The following ELP1 variants were observed in gnomAD, a reference collection of about 807,000 sequenced individuals.
ELP1 encodes elongator complex protein 1.
In ELP1, 131 loss-of-function variants were observed where a neutral mutation model predicts 183.2. That is an observed-to-expected ratio of 0.72 (90% CI 0.62 to 0.83). The LOEUF is 0.83. Among genes scored for constraint, ELP1 ranks in the 40% least tolerant of loss-of-function variants. The pLI, the probability that ELP1 is intolerant of heterozygous loss-of-function variation, is 0.00. For missense variants in ELP1, 1,550 were observed against 1,594.9 expected, an observed-to-expected ratio of 0.97 and a Z score of 0.48; for synonymous variants, 555 against 569.0, an observed-to-expected ratio of 0.98 and a Z score of 0.35.
chr9:108,908,220 C>A (rs896456034), intron 13 of ELP1, 85 bp downstream of exon 13: 15 of 961,682 alleles, frequency 1.6e-5, no homozygotes, highest in Non-Finnish European at 2.5e-5. Context: ...CAGCAACAGG[C>A]ATAGAACTGT....
chr9:108,908,328 A>C lies in ELP1; in HGVS notation c.1437T>G (p.Thr479=), dbSNP rs1341178262. The C allele has an allele frequency of 4.1e-5, 66 of 1,613,654 alleles. No individual in the cohort carries two copies. Among genetic ancestry groups the C allele is most frequent in the Non-Finnish European group, 5.4e-5 (64 of 1,179,644 alleles). Residue 479 remains threonine (T), a synonymous_variant, in exon 13 of 37, where the codon ACT becomes ACG. Transcript: ENST00000374647. ...ACTTGTATCTCTTTTCCAAATGAGGAGTTCTAAGGCAAACTTTAAATCCAC... is the reference window on the plus strand; with the variant it reads ...ACTTGTATCTCTTTTCCAAATGAGGCGTTCTAAGGCAAACTTTAAATCCAC... The part of the protein sequence containing the change: ...GGSGFKVCLR[T]PHLEKRYKIQ...
Position 108,889,233 on chromosome 9 carries a change from A to G in ELP1, c.3222+99T>C, listed in dbSNP as rs1828232955. On this transcript the variant is annotated intron_variant, in intron 29 of 36. Transcript: ENST00000374647. ...GGCAAACACTATCTCTGGACTTAAC[A>G]ATTATGCACAGTTCCTTTAACTTTC... 1.0e-4 allele frequency: 113 copies of G among 1,128,080 alleles called. 1 individual carries two copies. In the South Asian group the frequency reaches 1.3e-3, roughly 13 times the overall value. The allele number at this position is 1,128,080 out of a possible 1,614,324, so 69.9% of individuals were successfully genotyped here.
rs78049942 is a variant in ELP1 at position 108,904,831 on chromosome 9, G to A, written c.1644-1162C>T. On this transcript the variant is annotated intron_variant, in intron 14 of 36. Coordinates refer to ENST00000374647, the MANE Select transcript of ELP1 (RefSeq NM_003640.5). The stretch of plus-strand genomic sequence containing the variant: ...AGCTAAAGTAAATGTAAACTAAATC[G>A]AGGGACTTTGTAGTCCTCAAAAGCA... Among the ~76,000 whole-genome samples, 686 of 152,256 alleles carry A rather than the reference G, an allele frequency of 4.5e-3. 12 individuals carry two copies. The highest frequency in any genetic ancestry group is 0.025 in the East Asian group (128 of 5,184).
At chr9:108,895,550 C>A (rs929493334) in intron 25 of ELP1, among the ~76,000 whole-genome samples, 5 of 152,014 alleles carry the variant, frequency 3.3e-5, no homozygotes, top group Admixed American at 1.3e-4. Context: ...GAAAAAAAGA[C>A]AATACCAAGA....
chr9:108,914,453 C>T (rs1450837478), intron 10 of ELP1, among the ~76,000 whole-genome samples: 2 of 146,628 alleles, frequency 1.4e-5, no homozygotes, highest in Non-Finnish European at 3.0e-5. Context: ...TTGAAAGCTA[C>T]TTAGAAAATA....
At chr9:108,900,767 T>C (rs935561614) in intron 18 of ELP1, among the ~76,000 whole-genome samples, 95 of 150,916 alleles carry the variant, frequency 6.3e-4, no homozygotes, top group Admixed American at 6.1e-3. Flanking sequence ...CACACACACA[T>C]ACACGCCACA....
At chr9:108,881,905 G>T in intron 30 of ELP1, 140 bp from the exon 31 acceptor site, 1 of 697,696 alleles carries the variant, frequency 1.4e-6, no homozygotes. Context: ...GGCAGCCAAG[G>T]AAATTCAATT....
chr9:108,871,530 C>T (rs1028438480), intron 36 of ELP1, among the ~76,000 whole-genome samples: 5 of 152,172 alleles, frequency 3.3e-5, no homozygotes, highest in African/African-American at 9.7e-5. Context: ...TAATCTTTTC[C>T]CTTCCAGGCT....
chr9:108,919,430 A>G, intron 6 of ELP1, 81 bp from the exon 7 acceptor site: 1 of 923,990 alleles, frequency 1.1e-6, no homozygotes, highest in Non-Finnish European at 1.8e-6. Context: ...CACTAGATAC[A>G]GATGTTTTTT....
At chr9:108,903,821 CTA>C (rs964967648) in intron 14 of ELP1, 152 bp from the exon 15 acceptor site, 35 of 565,058 alleles carry the variant, frequency 6.2e-5, no homozygotes, top group Non-Finnish European at 9.5e-5. Context: ...ACACCCAATA[CTA>C]TACACACACA....
chr9:108,900,005 A>C (rs1051330403), intron 19 of ELP1, 110 bp from the exon 20 acceptor site: 56 of 932,838 alleles, frequency 6.0e-5, no homozygotes, highest in Admixed American at 3.1e-4. Context: ...ACTCTCTAAA[A>C]TCAGCACACT....
rs1266154987 is a variant in ELP1 at position 108,916,125 on chromosome 9, G to C, written c.958+79C>G. On this transcript the variant is annotated intron_variant, in intron 10 of 36. Transcript: ENST00000374647. The stretch of plus-strand genomic sequence containing the variant: ...ATTCTACTAAGGGACTAAGTAGAAG[G>C]GATGAAGGAAATCCCATACCTGTCT... The C allele has an allele frequency of 4.8e-6, 5 of 1,051,584 alleles. No homozygotes were observed. In the Admixed American group the frequency reaches 8.4e-5, roughly 18 times the overall value. 65.1% of individuals were successfully genotyped at this position (1,051,584 alleles called of 1,614,324 possible).
chr9:108,905,208 T>A (rs1259098729), intron 14 of ELP1, among the ~76,000 whole-genome samples: 1 of 152,230 alleles, frequency 6.6e-6, no homozygotes, highest in Admixed American at 6.5e-5. Context: ...TATAAATTTA[T>A]GTAATGTATA....
intron 12 of ELP1, among the ~76,000 whole-genome samples, chr9:108,909,393 G>C (rs1412197759): frequency 6.6e-6 from 1 of 152,174 alleles, no homozygotes; most frequent in Non-Finnish European, 1.5e-5. Flanking sequence ...GGGGAAAAAG[G>C]AGTGATACTC....
chr9:108,928,770 T>C (rs1452311856), intron 3 of ELP1, among the ~76,000 whole-genome samples: 1 of 152,094 alleles, frequency 6.6e-6, no homozygotes, highest in African/African-American at 2.4e-5. Context: ...AGTAAAAGCA[T>C]CTATCTTTCA....
chr9:108,907,097 G>T (rs890298160), intron 13 of ELP1, among the ~76,000 whole-genome samples: 1 of 152,032 alleles, frequency 6.6e-6, no homozygotes, highest in Non-Finnish European at 1.5e-5. Flanking sequence ...ATCTCTCCCC[G>T]GACTCAGGCT....
intron 20 of ELP1, 117 bp downstream of exon 20, chr9:108,899,705 G>T: frequency 2.6e-6 from 2 of 764,176 alleles, no homozygotes; most frequent in Non-Finnish European, 2.2e-6. Flanking sequence ...TCTGATTGAT[G>T]ATATAGGTAA....
At chr9:108,875,146 ACTCAGACTT>A (rs148222236) in intron 35 of ELP1, among the ~76,000 whole-genome samples, 176 bp from the exon 36 acceptor site, 80 of 152,274 alleles carry the variant, frequency 5.3e-4, no homozygotes, top group African/African-American at 1.8e-3. Context: ...TCCAGCTGCA[ACTCAGACTT>A]CTAATTCTCC....
In ELP1 at chr9:108,929,875, T is replaced by C. The variant is rs1587926947; in HGVS notation, c.197A>G (p.Asp66Gly). The C allele has an allele frequency of 6.2e-7, 1 of 1,613,906 alleles. No homozygotes were observed. The highest frequency in any genetic ancestry group is 2.2e-5 in the East Asian group (1 of 44,884). Residue 66 changes from aspartate (D) to glycine (G), a missense_variant, in exon 3 of 37, where the codon GAT (aspartate) becomes GGT (glycine). Transcript: ENST00000374647. ...AACACCAACAATGCGGCCACTTCCATCCTCTGGGAGAAAGCCTTCTGCCAC... is the reference window on the plus strand; with the variant it reads ...AACACCAACAATGCGGCCACTTCCACCCTCTGGGAGAAAGCCTTCTGCCAC... ...SLVAEGFLPE[D>G]GSGRIVGVQD...
Sources: gnomAD v4.1 joint callset for allele counts (sites outside exome capture counted in the v4.1 genomes callset) on GRCh38, gnomAD v4.1.1 for gene constraint, MANE v1.5 for transcripts, NCBI Gene and HGNC (gene_info 2026-07-23, HGNC 2026-07-21) for gene names.